Variants in FREM1 observed in about 807,000 individuals in gnomAD.
The protein encoded by FREM1 is FRAS1 related extracellular matrix 1.
FREM1 carries 220 observed loss-of-function variants against 210.1 expected under a neutral mutation model. The ratio of observed to expected loss-of-function variants is 1.05; its 90% CI spans 0.94 to 1.17. The LOEUF is 1.17. Ranked by LOEUF, FREM1 falls within the 50% of genes most tolerant of loss-of-function variation. The probability of loss-of-function intolerance (pLI) is 0.00; values close to 1 mark genes in which losing one functional copy is unlikely to be tolerated. For synonymous variants in FREM1, 1,189 were observed against 980.2 expected (o/e 1.21, Z -3.98); for missense variants, 3,454 against 2,675.5 (o/e 1.29, Z -6.42).
intron 22 of FREM1, 24 bp downstream of exon 22, chr9:14,792,719 A>G (rs1431228453): frequency 6.4e-7 from 1 of 1,557,674 alleles, no homozygotes; most frequent in East Asian, 2.3e-5. Context: ...TAGTTTTGAA[A>G]AATAAAAGTA....
chr9:14,833,937 G>T (rs751870617), intron 10 of FREM1, among the ~76,000 whole-genome samples: 25 of 152,110 alleles, frequency 1.6e-4, no homozygotes, highest in Non-Finnish European at 3.2e-4. Context: ...CCGTTTTGTG[G>T]GGCAGTTGGG....
intron 27 of FREM1, among the ~76,000 whole-genome samples, chr9:14,765,682 A>T (rs1846265109): frequency 6.6e-6 from 1 of 152,178 alleles, no homozygotes; most frequent in South Asian, 2.1e-4. Context: ...TGCCTGATGG[A>T]AATTCCTTTT....
intron 10 of FREM1, among the ~76,000 whole-genome samples, chr9:14,838,692 A>G (rs930269537): frequency 6.6e-6 from 1 of 152,222 alleles, no homozygotes; most frequent in African/African-American, 2.4e-5. Flanking sequence ...ATCAATAAGC[A>G]GTTTGTAAGG....
chr9:14,893,939 C>T (rs1243133296), intron 1 of FREM1, among the ~76,000 whole-genome samples: 1 of 152,108 alleles, frequency 6.6e-6, no homozygotes, highest in Non-Finnish European at 1.5e-5. Flanking sequence ...GAAATAAAAG[C>T]ACAACAGGTT....
At position 14,829,326 on chromosome 9, in the gene FREM1, G is replaced by A. The variant is rs181136372; in HGVS notation, c.1882-4334C>T. 5.3e-5 allele frequency among the ~76,000 whole-genome samples: 8 copies of A among 152,254 alleles called. No individual in the cohort carries two copies. In the East Asian group the frequency reaches 1.4e-3, roughly 26 times the overall value. On this transcript the variant is annotated intron_variant, in intron 10 of 36. Transcript: ENST00000380880. ...CTATTAATTACTGTCTGAAAATGGT[G>A]CTTTGCCTGGCATCATGGGTCTTTT... is the stretch of plus-strand genomic sequence containing the variant.
At chr9:14,794,169 G>C (rs1429123755) in intron 21 of FREM1, among the ~76,000 whole-genome samples, 1 of 152,136 alleles carries the variant, frequency 6.6e-6, no homozygotes, top group South Asian at 2.1e-4. Context: ...AGGATCCTAG[G>C]ACAAGGAAGG....
intron 1 of FREM1, among the ~76,000 whole-genome samples, chr9:14,893,232 G>T (rs1172374360): frequency 2.0e-5 from 3 of 152,188 alleles, no homozygotes; most frequent in African/African-American, 7.2e-5. Flanking sequence ...CCTCTGTAAA[G>T]TTTTGATTAG....
intron 1 of FREM1, 125 bp downstream of exon 1, chr9:14,909,789 T>C (rs562423105): frequency 1.3e-5 from 2 of 152,362 alleles, no homozygotes; most frequent in East Asian, 1.9e-4. Flanking sequence ...TTTGCAAGCC[T>C]ACTCTTGCAG....
intron 20 of FREM1, among the ~76,000 whole-genome samples, chr9:14,800,882 T>C (rs1322727647): frequency 6.6e-6 from 1 of 152,210 alleles, no homozygotes; most frequent in African/African-American, 2.4e-5. Context: ...CTAGGTTAAA[T>C]TATTTTAAAA....
chr9:14,805,088 C>T lies in FREM1; in HGVS notation c.3339G>A (p.Arg1113=), dbSNP rs1818113095. 3.7e-6 allele frequency: 6 copies of T among 1,613,196 alleles called. No individual in the cohort carries two copies. The highest frequency in any genetic ancestry group is 5.1e-6 in the Non-Finnish European group (6 of 1,179,376). The change falls in exon 19 of 37, where the codon AGG becomes AGA. Residue 1113 remains arginine, a synonymous_variant. Transcript: ENST00000380880. The stretch of plus-strand genomic sequence containing the variant: ...TGAACTGGTCGGCAGTTGGTTCTAT[C>T]CTCAGATGCCTGGACTGCACATAGT... ...HINYVQSRHL[R]IEPTADQFTV...
At position 14,857,630 on chromosome 9, in the gene FREM1, C is replaced by G; in HGVS notation, c.751G>C (p.Asp251His). 1 of 1,613,868 alleles carries G rather than the reference C, an allele frequency of 6.2e-7. No individual in the cohort carries two copies. Among genetic ancestry groups the G allele is most frequent in the South Asian group, 1.1e-5 (1 of 91,070 alleles). The change falls in exon 5 of 37, where the codon GAT becomes CAT. Residue 251 changes from aspartate to histidine, a missense_variant. Transcript: ENST00000380880. ...LLMGLRYQHL[D>H]PPSPNIDYIS... Reference sequence around the variant, plus strand: ...TAATCAATGTTGGGTGAAGGGGGATCCAGATGCTGATAACGAAGGCCCATC... The same window carrying G: ...TAATCAATGTTGGGTGAAGGGGGATGCAGATGCTGATAACGAAGGCCCATC...
chr9:14,756,785 C>A (rs1844459172), intron 28 of FREM1, among the ~76,000 whole-genome samples: 1 of 152,056 alleles, frequency 6.6e-6, no homozygotes, highest in Non-Finnish European at 1.5e-5. Context: ...CCTTCTATCC[C>A]AATTTGGTTT....
chr9:14,831,528 A>G (rs1823555491), intron 10 of FREM1, among the ~76,000 whole-genome samples: 1 of 152,216 alleles, frequency 6.6e-6, no homozygotes, highest in Non-Finnish European at 1.5e-5. Flanking sequence ...TGGTTCCTAC[A>G]TTCCTTTAAG....
chr9:14,829,920 T>C (rs539080147), intron 10 of FREM1, among the ~76,000 whole-genome samples: 4 of 152,188 alleles, frequency 2.6e-5, no homozygotes, highest in Non-Finnish European at 5.9e-5. Context: ...AGATGAGAGA[T>C]GCAGAGAGAG....
intron 1 of FREM1, among the ~76,000 whole-genome samples, chr9:14,889,439 T>C (rs944633094): frequency 2.0e-5 from 3 of 152,226 alleles, no homozygotes; most frequent in Non-Finnish European, 4.4e-5. Flanking sequence ...TTGTGTGTTC[T>C]CTTCTAGGAA....
chr9:14,860,682 T>TAC (rs1426306139), intron 3 of FREM1, among the ~76,000 whole-genome samples: 4,590 of 109,066 alleles, frequency 0.042, 697 homozygotes, highest in African/African-American at 0.17. Flanking sequence ...CACACATATA[T>TAC]ACACATATAT....
chr9:14,808,367 A>C (rs909538967), intron 16 of FREM1, among the ~76,000 whole-genome samples: 7 of 152,240 alleles, frequency 4.6e-5, no homozygotes. Context: ...GCCATCTATC[A>C]TGATAAGGAG....
chr9:14,809,495 T>A (rs2133478983), intron 16 of FREM1, among the ~76,000 whole-genome samples: 1 of 152,260 alleles, frequency 6.6e-6, no homozygotes, highest in Admixed American at 6.5e-5. Context: ...AGAGATTATA[T>A]TATTGAGCAA....
Position 14,895,108 on chromosome 9 carries a change from G to A in FREM1, c.-268+14806C>T, listed in dbSNP as rs141301878. Among the ~76,000 whole-genome samples, 1,105 of 152,272 alleles carry A rather than the reference G, an allele frequency of 7.3e-3. 13 individuals carry two copies. The highest frequency in any genetic ancestry group is 0.025 in the African/African-American group (1,044 of 41,544). ...AGGAGAGGAATTTACCCAACTCACAGGTATTTGAGGGTACAAACCCATGGC... is the reference window on the plus strand; with the variant it reads ...AGGAGAGGAATTTACCCAACTCACAAGTATTTGAGGGTACAAACCCATGGC... On this transcript the variant is annotated intron_variant, in intron 1 of 36. Coordinates refer to ENST00000380880, the MANE Select transcript of FREM1 (RefSeq NM_001379081.2).
Sources: allele counts gnomAD v4.1 joint callset (sites outside exome capture counted in the v4.1 genomes callset), GRCh38; gene constraint gnomAD v4.1.1; transcripts MANE v1.5; gene names NCBI Gene and HGNC (gene_info 2026-07-23, HGNC 2026-07-21).